The following SNX13 variants were observed in gnomAD, a reference collection of about 807,000 sequenced individuals.
SNX13 encodes sorting nexin 13.
A neutral mutation model predicts 133.6 loss-of-function variants in SNX13; 45 were observed. That is an observed-to-expected ratio of 0.34 (90% confidence interval 0.27 to 0.43). The LOEUF (loss-of-function observed/expected upper bound fraction) is 0.43. Among genes scored for constraint, SNX13 ranks in the 20% least tolerant of loss-of-function variants. SNX13 has a pLI of 1.00. For missense variants in SNX13, 1,032 were observed against 1,145.1 expected, an observed-to-expected ratio of 0.90 and a Z score of 1.43; for synonymous variants, 414 against 373.9, an observed-to-expected ratio of 1.11 and a Z score of -1.24.
Position 17,801,632 on chromosome 7 carries a change from A to C in SNX13, c.2254T>G (p.Ser752Ala), listed in dbSNP as rs2128286742. 6.2e-7 allele frequency: 1 copy of C among 1,609,414 alleles called. No homozygotes were observed. Among genetic ancestry groups the C allele is most frequent in the Non-Finnish European group, 8.5e-7 (1 of 1,177,834 alleles). Residue 752 changes from serine (S) to alanine (A), a missense_variant, in exon 22 of 26, where the codon TCA becomes GCA. By Grantham distance (99) the Ser-to-Ala change is moderately conservative. Transcript: ENST00000428135. ...KVPPLIPKTD[S>A]DPEHRRVSAQ... ...GAAACTCGGCGATGTTCAGGGTCTG[A>C]ATCAGTCTTAGGAATTAAAGGAGGC...
At chr7:17,806,484 G>T (rs1467841992) in intron 20 of SNX13, among the ~76,000 whole-genome samples, 1 of 152,174 alleles carries the variant, frequency 6.6e-6, no homozygotes, top group East Asian at 1.9e-4. Flanking sequence ...AGGAAATAAA[G>T]TTGGAAACCC....
intron 15 of SNX13, chr7:17,831,266 AAAAG>A (rs1290286068): frequency 1.0e-6 from 1 of 981,410 alleles, no homozygotes; most frequent in African/African-American, 1.8e-5. Flanking sequence ...ATTAGAAAAC[AAAAG>A]AAAGCACTGT....
chr7:17,828,806 A>C (rs1788179621), intron 16 of SNX13, among the ~76,000 whole-genome samples: 1 of 151,614 alleles, frequency 6.6e-6, no homozygotes. Flanking sequence ...GGAATAAAGA[A>C]AAAAAATTTT....
At chr7:17,876,574 C>CAAAAAAAAA (rs200148485) in intron 5 of SNX13, among the ~76,000 whole-genome samples, 2 of 120,806 alleles carry the variant, frequency 1.7e-5, no homozygotes. Flanking sequence ...GCTATCTCAT[C>CAAAAAAAAA]AAAAAAAAAA....
intron 9 of SNX13, among the ~76,000 whole-genome samples, chr7:17,865,596 A>C (rs1415877957): frequency 6.6e-6 from 1 of 152,242 alleles, no homozygotes; most frequent in Non-Finnish European, 1.5e-5. Flanking sequence ...ATATCAAAAT[A>C]CCAATAACCT....
At chr7:17,815,321 T>C (rs2128298026) in intron 19 of SNX13, among the ~76,000 whole-genome samples, 1 of 152,290 alleles carries the variant, frequency 6.6e-6, no homozygotes, top group East Asian at 1.9e-4. Context: ...AGGTGGCTCA[T>C]GCCTGTAACC....
chr7:17,806,368 G>T (rs1785299154), intron 20 of SNX13, among the ~76,000 whole-genome samples: 1 of 152,100 alleles, frequency 6.6e-6, no homozygotes, highest in African/African-American at 2.4e-5. Context: ...CTCAAGTTCT[G>T]AATAGCCATT....
At chr7:17,850,539 C>A (rs904204020) in intron 10 of SNX13, 104 bp from the exon 11 acceptor site, 113 of 685,990 alleles carry the variant, frequency 1.6e-4, no homozygotes, top group Middle Eastern at 4.0e-4. Context: ...AATACAGCAA[C>A]TGTTTTAGTC....
chr7:17,820,785 C>A (rs889502301), intron 18 of SNX13, among the ~76,000 whole-genome samples: 3 of 152,096 alleles, frequency 2.0e-5, no homozygotes, highest in African/African-American at 7.2e-5. Flanking sequence ...CAGTTGTATA[C>A]CTAAAATCCC....
At chr7:17,879,122 C>T (rs1310017733) in intron 5 of SNX13, among the ~76,000 whole-genome samples, 3 of 152,206 alleles carry the variant, frequency 2.0e-5, no homozygotes, top group African/African-American at 7.2e-5. Context: ...CTCTTACAAC[C>T]TACAGTTGAA....
intron 9 of SNX13, among the ~76,000 whole-genome samples, chr7:17,863,190 G>A (rs1370587084): frequency 1.1e-5 from 1 of 90,176 alleles, no homozygotes; most frequent in South Asian, 4.2e-4. Flanking sequence ...GAATCCAGGT[G>A]GCTTCACTTG....
chr7:17,907,049 T>G (rs1025088061), intron 1 of SNX13, among the ~76,000 whole-genome samples: 3 of 152,142 alleles, frequency 2.0e-5, no homozygotes, highest in Non-Finnish European at 4.4e-5. Context: ...TTTTTTGTAT[T>G]GTGTTTATAA....
intron 5 of SNX13, chr7:17,883,051 GAAGT>G (rs1795553419): frequency 3.8e-6 from 1 of 265,800 alleles, no homozygotes; most frequent in African/African-American, 2.3e-5. Flanking sequence ...CTGATTCATA[GAAGT>G]AATAAGCAAA....
chr7:17,803,323 A>G (rs981851471), intron 21 of SNX13, 96 bp downstream of exon 21: 2 of 1,125,672 alleles, frequency 1.8e-6, no homozygotes, highest in African/African-American at 3.2e-5. Context: ...GAAAAGAAAT[A>G]AGGTTAAGGG....
chr7:17,902,249 T>G (rs1415668347), intron 1 of SNX13, among the ~76,000 whole-genome samples: 1 of 150,840 alleles, frequency 6.6e-6, no homozygotes, highest in African/African-American at 2.4e-5. Context: ...ATGGTTTTTT[T>G]TTTTTTTTTT....
chr7:17,806,769 C>G (rs949235898), intron 20 of SNX13, among the ~76,000 whole-genome samples: 1 of 152,148 alleles, frequency 6.6e-6, no homozygotes, highest in Non-Finnish European at 1.5e-5. Context: ...GCTCATCTCA[C>G]TGGGACTAGT....
intron 1 of SNX13, among the ~76,000 whole-genome samples, chr7:17,916,475 A>G (rs1799576091): frequency 1.3e-5 from 2 of 152,180 alleles, no homozygotes; most frequent in South Asian, 2.1e-4. Flanking sequence ...GAAAGGTGAC[A>G]TTACAAGCAA....
At chr7:17,845,932 T>A (rs1415923363) in intron 11 of SNX13, among the ~76,000 whole-genome samples, 2 of 152,134 alleles carry the variant, frequency 1.3e-5, no homozygotes, top group Middle Eastern at 3.2e-3. Context: ...ACTGTTTCAA[T>A]ATAAAATAAA....
At chr7:17,928,459 G>T (rs1162186786) in intron 1 of SNX13, among the ~76,000 whole-genome samples, 5 of 152,276 alleles carry the variant, frequency 3.3e-5, no homozygotes, top group Middle Eastern at 3.4e-3. Flanking sequence ...TAACAGCTAA[G>T]TGATAAAACT....
Sources: gnomAD v4.1 joint callset for allele counts (sites outside exome capture counted in the v4.1 genomes callset) on GRCh38, gnomAD v4.1.1 for gene constraint, MANE v1.5 for transcripts, NCBI Gene and HGNC (gene_info 2026-07-23, HGNC 2026-07-21) for gene names.